Variants in PIWIL2 observed in about 807,000 individuals in gnomAD.
The protein encoded by PIWIL2 is piwi like RNA-mediated gene silencing 2, also known as piwi-like protein 2.
Under a neutral mutation model 116.5 loss-of-function variants are expected in PIWIL2, and 81 were observed. That is an observed-to-expected ratio of 0.70 (90% CI 0.58 to 0.84). The LOEUF is 0.84. Ranked by LOEUF, PIWIL2 falls within the 40% of genes least tolerant of loss-of-function variation. PIWIL2 has a pLI of 0.00. For missense variants in PIWIL2, 1,272 were observed against 1,212.3 expected (o/e 1.05, Z -0.73); for synonymous variants, 489 against 429.5 (o/e 1.14, Z -1.71).
In PIWIL2 at chr8:22,356,228, G is replaced by A. The variant is rs1832488357; in HGVS notation, c.*723G>A. On this transcript the variant is annotated 3_prime_UTR_variant, in exon 23 of 23. Transcript: ENST00000356766. ...TGAAGAGAATTACTCAGGCAACTGGGAAAGGCAGTGGAAGGTCTGTGAAGC... is the reference window on the plus strand; with the variant it reads ...TGAAGAGAATTACTCAGGCAACTGGAAAAGGCAGTGGAAGGTCTGTGAAGC... The A allele has an allele frequency of 6.6e-6, 1 of 152,194 alleles. No homozygotes were observed. The highest frequency in any genetic ancestry group is 1.5e-5 in the Non-Finnish European group (1 of 68,040). 9.4% of individuals were successfully genotyped at this position (152,194 alleles called of 1,614,324 possible).
intron 20 of PIWIL2, among the ~76,000 whole-genome samples, chr8:22,319,059 C>T (rs1395855588): frequency 6.6e-6 from 1 of 152,170 alleles, no homozygotes; most frequent in Non-Finnish European, 1.5e-5. Flanking sequence ...GGATCTAGAA[C>T]AGTGAGCAAG....
chr8:22,344,683 A>G (rs1832185485), intron 20 of PIWIL2, among the ~76,000 whole-genome samples: 1 of 152,120 alleles, frequency 6.6e-6, no homozygotes, highest in Non-Finnish European at 1.5e-5. Flanking sequence ...CCTGGGCCAC[A>G]TAGGGAGACC....
At position 22,355,421 on chromosome 8, in the gene PIWIL2, T is replaced by G; in HGVS notation, c.2838T>G (p.Tyr946Ter). The G allele has an allele frequency of 6.2e-7, 1 of 1,614,176 alleles. No individual in the cohort carries two copies. The highest frequency in any genetic ancestry group is 8.5e-7 in the Non-Finnish European group (1 of 1,179,998). ...GTIRVPAPCKYAHKLAFLSGH... is the reference protein window; with the variant it reads ...GTIRVPAPCK Reference sequence around the variant, plus strand: ...TCAGAGTTCCAGCTCCTTGCAAGTATGCCCACAAGCTAGCTTTCCTGTCAG... The same window carrying G: ...TCAGAGTTCCAGCTCCTTGCAAGTAGGCCCACAAGCTAGCTTTCCTGTCAG... Residue 946 changes from tyrosine (Y) to a stop codon, truncating the protein, a stop_gained, in exon 23 of 23, where the codon TAT (tyrosine) becomes TAG (stop). Transcript: ENST00000356766. LOFTEE classifies it high-confidence loss of function.
At chr8:22,286,996 G>T (rs968400143) in intron 6 of PIWIL2, among the ~76,000 whole-genome samples, 1 of 151,862 alleles carries the variant, frequency 6.6e-6, no homozygotes, top group African/African-American at 2.4e-5. Flanking sequence ...GAGGCAGAAG[G>T]ATCACTTGAG....
chr8:22,308,868 C>G (rs1172634583), intron 14 of PIWIL2, among the ~76,000 whole-genome samples: 1 of 151,898 alleles, frequency 6.6e-6, no homozygotes, highest in African/African-American at 2.4e-5. Flanking sequence ...TGGCTGGTCT[C>G]TCGAGCTCCT....
Position 22,281,148 on chromosome 8 carries a change from G to A in PIWIL2, c.227G>A (p.Arg76Gln), listed in dbSNP as rs370713888. 96 of 1,612,324 alleles carry A rather than the reference G, an allele frequency of 6.0e-5. No homozygotes were observed. The highest frequency in any genetic ancestry group is 4.2e-4 in the Admixed American group (25 of 59,704). ...TCTGTGGGTTTGGTCTCCATGTTCC[G>A]AGGCCTGGGCATTGAAACAGTTTCT... Reference protein sequence around the residue: ...RESVGLVSMFRGLGIETVSKT... With the variant: ...RESVGLVSMFQGLGIETVSKT... The change falls in exon 3 of 23, where the codon CGA becomes CAA. Residue 76 changes from arginine to glutamine, a missense_variant. Coordinates refer to ENST00000356766, the MANE Select transcript of PIWIL2 (RefSeq NM_018068.5).
intron 20 of PIWIL2, among the ~76,000 whole-genome samples, chr8:22,327,558 G>C (rs941758274): frequency 1.3e-5 from 2 of 151,358 alleles, no homozygotes; most frequent in Non-Finnish European, 2.9e-5. Flanking sequence ...GTAGAGACGG[G>C]GTTTCTCCAT....
intron 10 of PIWIL2, among the ~76,000 whole-genome samples, chr8:22,295,423 A>G (rs1163287817): frequency 6.6e-6 from 1 of 152,024 alleles, no homozygotes; most frequent in East Asian, 1.9e-4. Context: ...TCCCTTCACT[A>G]TACATTGAAA....
At chr8:22,348,852 ATAGAC>A (rs1158007493) in intron 20 of PIWIL2, among the ~76,000 whole-genome samples, 1 of 152,158 alleles carries the variant, frequency 6.6e-6, no homozygotes, top group Non-Finnish European at 1.5e-5. Flanking sequence ...AATGAAGAAA[ATAGAC>A]TAGATGACCT....
At chr8:22,288,788 A>C (rs1830690124) in intron 8 of PIWIL2, 122 bp downstream of exon 8, 3 of 763,696 alleles carry the variant, frequency 3.9e-6, no homozygotes, top group East Asian at 5.2e-5. Flanking sequence ...GGAAGCATTT[A>C]ATGAATAAAT....
At chr8:22,292,239 A>G (rs1356027127) in intron 10 of PIWIL2, among the ~76,000 whole-genome samples, 1 of 152,200 alleles carries the variant, frequency 6.6e-6, no homozygotes, top group Non-Finnish European at 1.5e-5. Flanking sequence ...AGTGAAATGC[A>G]GGACTTTGAG....
At chr8:22,300,389 C>T (rs950382310) in intron 10 of PIWIL2, among the ~76,000 whole-genome samples, 1 of 152,180 alleles carries the variant, frequency 6.6e-6, no homozygotes, top group Non-Finnish European at 1.5e-5. Context: ...TTTTGTGGCT[C>T]TACCACAATT....
At chr8:22,314,045 C>A (rs2132049150) in intron 16 of PIWIL2, among the ~76,000 whole-genome samples, 1 of 152,290 alleles carries the variant, frequency 6.6e-6, no homozygotes, top group African/African-American at 2.4e-5. Flanking sequence ...CCTTTTCCAG[C>A]CATCTGAGTC....
rs950759550 is a variant in PIWIL2 at position 22,290,171 on chromosome 8, G to C, written c.1068-62G>C. 3 of 965,878 alleles carry C rather than the reference G, an allele frequency of 3.1e-6. No individual in the cohort carries two copies. In the African/African-American group the frequency reaches 4.8e-5, roughly 15 times the overall value. 59.8% of individuals were successfully genotyped at this position (965,878 alleles called of 1,614,324 possible). On this transcript the variant is annotated intron_variant, in intron 9 of 22. Transcript: ENST00000356766. Reference sequence around the variant, plus strand: ...TATCACCTCAATGTTTTGTTCACATGGGGGCATGGAAGTATATGTGTTCTT... The same window carrying C: ...TATCACCTCAATGTTTTGTTCACATCGGGGCATGGAAGTATATGTGTTCTT...
chr8:22,312,804 C>G (rs1335268544), intron 16 of PIWIL2, among the ~76,000 whole-genome samples: 1 of 151,864 alleles, frequency 6.6e-6, no homozygotes, highest in Non-Finnish European at 1.5e-5. Context: ...CCACTCCTGG[C>G]TAATTTTTAA....
rs1179914218 is a variant in PIWIL2 at position 22,351,436 on chromosome 8, CATACATATAT to C, written c.2404-1519_2404-1510del. Among the ~76,000 whole-genome samples, 431 of 46,234 alleles carry C rather than the reference CATACATATAT, an allele frequency of 9.3e-3. 27 individuals carry two copies. The highest frequency in any genetic ancestry group is 0.032 in the East Asian group (27 of 844). 30.3% of individuals were successfully genotyped at this position (46,234 alleles called of 152,430 possible). ...AGTAACCTGTAAGGAACAGTGCATACATACATATATATATATATATATATATATATATATA... is the reference window on the plus strand; with the variant it reads ...AGTAACCTGTAAGGAACAGTGCATACATATATATATATATATATATATATA... On this transcript the variant is annotated intron_variant, in intron 20 of 22. Transcript: ENST00000356766.
chr8:22,283,170 C>A lies in PIWIL2; in HGVS notation c.562C>A (p.Pro188Thr). Reference protein sequence around the residue: ...SRGPPQLSSPPALPQSPLHSP... With the variant: ...SRGPPQLSSPTALPQSPLHSP... Reference sequence around the variant, plus strand: ...GGGTCCCCCGCAGCTGTCATCACCACCAGCTCTGCCCCAGTCTCCCCTGCA... The same window carrying A: ...GGGTCCCCCGCAGCTGTCATCACCAACAGCTCTGCCCCAGTCTCCCCTGCA... The change falls in exon 5 of 23, where the codon CCA becomes ACA. Residue 188 changes from proline (P) to threonine (T), a missense_variant. By Grantham distance (38) the Pro-to-Thr change is conservative. Transcript: ENST00000356766. 6.2e-7 allele frequency: 1 copy of A among 1,614,162 alleles called. No individual in the cohort carries two copies. The highest frequency in any genetic ancestry group is 8.5e-7 in the Non-Finnish European group (1 of 1,180,002).
chr8:22,279,059 G>A (rs1322029468), intron 1 of PIWIL2, among the ~76,000 whole-genome samples: 1 of 152,104 alleles, frequency 6.6e-6, no homozygotes, highest in African/African-American at 2.4e-5. Context: ...ATGTATTTGA[G>A]TCACTCTGAA....
At chr8:22,321,681 G>T (rs555045290) in intron 20 of PIWIL2, among the ~76,000 whole-genome samples, 1 of 152,026 alleles carries the variant, frequency 6.6e-6, no homozygotes, top group African/African-American at 2.4e-5. Flanking sequence ...ATGTCAGCCC[G>T]GTTGACAGAG....
Sources: allele counts gnomAD v4.1 joint callset (sites outside exome capture counted in the v4.1 genomes callset), GRCh38; gene constraint gnomAD v4.1.1; transcripts MANE v1.5; gene names NCBI Gene and HGNC (gene_info 2026-07-23, HGNC 2026-07-21).